The following PLAAT3 variants were observed in gnomAD, a reference collection of about 807,000 sequenced individuals.
PLAAT3 encodes the protein phospholipase A and acyltransferase 3.
Under a neutral mutation model 16.7 loss-of-function variants are expected in PLAAT3, and 21 were observed. That is an observed-to-expected ratio of 1.26 (90% CI 0.89 to 1.81). The LOEUF is 1.81. Among genes scored for constraint, PLAAT3 ranks in the 40% most tolerant of loss-of-function variants. PLAAT3 has a pLI of 0.00. For missense variants in PLAAT3, 219 were observed against 213.7 expected (o/e 1.02, Z -0.16); for synonymous variants, 76 against 81.7 (o/e 0.93, Z 0.38).
intron 4 of PLAAT3, among the ~76,000 whole-genome samples, chr11:63,586,120 G>A (rs1368926650): frequency 1.3e-5 from 2 of 152,060 alleles, no homozygotes; most frequent in East Asian, 1.9e-4. Context: ...GGGTGTGTGT[G>A]TGTGTGTGTG....
chr11:63,594,446 G>C (rs901607961), intron 3 of PLAAT3, among the ~76,000 whole-genome samples: 2 of 152,232 alleles, frequency 1.3e-5, no homozygotes, highest in Non-Finnish European at 2.9e-5. Flanking sequence ...GCCAGGTGGA[G>C]AGCAGGAAGG....
chr11:63,588,106 G>C (rs147792226), intron 4 of PLAAT3, among the ~76,000 whole-genome samples: 6,474 of 152,092 alleles, frequency 0.043, 297 homozygotes, highest in Admixed American at 0.11. Flanking sequence ...GTCTTGCTCT[G>C]TCACCTAGGC....
At chr11:63,615,270 ATATATGTG>A (rs1484694317), upstream of PLAAT3, among the ~76,000 whole-genome samples, 9 of 103,110 alleles carry the variant, frequency 8.7e-5, 1 homozygote, top group South Asian at 3.5e-4. Context: ...ATATGTGTGT[ATATATGTG>A]TATATATGTG....
chr11:63,595,907 C>T (rs556343602), intron 3 of PLAAT3, among the ~76,000 whole-genome samples: 8 of 152,228 alleles, frequency 5.3e-5, no homozygotes, highest in African/African-American at 1.9e-4. Flanking sequence ...TCTCTCTGCC[C>T]AAACACCTGC....
chr11:63,590,376 T>C lies in PLAAT3; in HGVS notation c.119-8A>G, dbSNP rs776674138. On this transcript the variant is annotated splice_region_variant and splice_polypyrimidine_tract_variant and intron_variant, in intron 3 of 4. Coordinates refer to ENST00000415826, the MANE Select transcript of PLAAT3 (RefSeq NM_001128203.2). ...CAGCTCCTGCGACCTCACCTGCAGA[T>C]CCACAAAGAGGAAACAGAGGGATTG... 2 of 1,613,220 alleles carry C rather than the reference T, an allele frequency of 1.2e-6. No homozygotes were observed. The highest frequency in any genetic ancestry group is 2.2e-5 in the South Asian group (2 of 91,018).
intron 2 of PLAAT3, 130 bp downstream of exon 2, chr11:63,613,870 C>CT (rs1938756848): frequency 3.0e-6 from 2 of 660,910 alleles, no homozygotes; most frequent in African/African-American, 3.7e-5. Context: ...TGCCTCGCAG[C>CT]TGACAGAGGT....
intron 4 of PLAAT3, among the ~76,000 whole-genome samples, chr11:63,581,198 C>T (rs956174286): frequency 3.3e-5 from 5 of 152,162 alleles, no homozygotes; most frequent in Admixed American, 3.3e-4. Context: ...AACAGAATAA[C>T]AGCGATTTTC....
chr11:63,575,810 A>G (rs2017651454), intron 4 of PLAAT3, among the ~76,000 whole-genome samples: 1 of 152,222 alleles, frequency 6.6e-6, no homozygotes, highest in Non-Finnish European at 1.5e-5. Flanking sequence ...AACCCTAATT[A>G]TATAAAAGAA....
chr11:63,578,505 T>C (rs759217314), intron 4 of PLAAT3, among the ~76,000 whole-genome samples: 13 of 152,176 alleles, frequency 8.5e-5, no homozygotes, highest in Non-Finnish European at 1.2e-4. Flanking sequence ...AATGGAGCAG[T>C]ACTGGTACCA....
chr11:63,585,468 A>G (rs781329972), intron 4 of PLAAT3, among the ~76,000 whole-genome samples: 10 of 151,852 alleles, frequency 6.6e-5, no homozygotes, highest in Non-Finnish European at 1.3e-4. Flanking sequence ...GTGGGATGCT[A>G]CTGGTATCTA....
intron 3 of PLAAT3, among the ~76,000 whole-genome samples, chr11:63,594,152 G>A (rs1398541417): frequency 2.0e-5 from 3 of 152,192 alleles, no homozygotes; most frequent in Non-Finnish European, 4.4e-5. Flanking sequence ...GCAGCTGAAT[G>A]GTGTCTTCCA....
chr11:63,587,526 T>C (rs1275418981), intron 4 of PLAAT3, among the ~76,000 whole-genome samples: 1 of 151,472 alleles, frequency 6.6e-6, no homozygotes, highest in Non-Finnish European at 1.5e-5. Flanking sequence ...GCATGCAAGA[T>C]CTTTTTTTGT....
upstream of PLAAT3, among the ~76,000 whole-genome samples, chr11:63,615,058 A>ATATG (rs1243535303): frequency 4.7e-5 from 2 of 42,192 alleles, no homozygotes; most frequent in Non-Finnish European, 6.1e-5. Context: ...ATATGTGTAT[A>ATATG]TATATGTGTG....
chr11:63,612,287 C>T (rs141431332), intron 2 of PLAAT3, among the ~76,000 whole-genome samples: 258 of 152,270 alleles, frequency 1.7e-3, no homozygotes, highest in Admixed American at 2.8e-3. Flanking sequence ...GCTGGAATTA[C>T]AGTAATGAAT....
intron 4 of PLAAT3, among the ~76,000 whole-genome samples, chr11:63,587,682 G>C (rs1177621572): frequency 6.6e-6 from 1 of 151,570 alleles, no homozygotes; most frequent in Non-Finnish European, 1.5e-5. Flanking sequence ...AGCCTCACCA[G>C]TAGCTGGGAT....
At chr11:63,588,708 A>T (rs669579) in intron 4 of PLAAT3, among the ~76,000 whole-genome samples, 83,260 of 151,976 alleles carry the variant, frequency 0.55, 23,451 homozygotes, top group African/African-American at 0.66. Context: ...CACCTTTAAC[A>T]TTCATATATA....
At chr11:63,588,163 G>A (rs1424355363) in intron 4 of PLAAT3, among the ~76,000 whole-genome samples, 10 of 151,648 alleles carry the variant, frequency 6.6e-5, no homozygotes, top group Non-Finnish European at 1.5e-4. Flanking sequence ...TCTGCCTCCC[G>A]GATTCAAGTG....
At chr11:63,583,711 C>A (rs1475462232) in intron 4 of PLAAT3, among the ~76,000 whole-genome samples, 1 of 152,148 alleles carries the variant, frequency 6.6e-6, no homozygotes, top group African/African-American at 2.4e-5. Flanking sequence ...AAATGGGCTA[C>A]CTGGTGTGTG....
At chr11:63,585,649 T>C (rs1937953132) in intron 4 of PLAAT3, among the ~76,000 whole-genome samples, 1 of 152,118 alleles carries the variant, frequency 6.6e-6, no homozygotes, top group Non-Finnish European at 1.5e-5. Context: ...GGCACCTCTG[T>C]TTTTGTTGTA....
Sources: gnomAD v4.1 joint callset for allele counts (sites outside exome capture counted in the v4.1 genomes callset) on GRCh38, gnomAD v4.1.1 for gene constraint, MANE v1.5 for transcripts, NCBI Gene and HGNC (gene_info 2026-07-23, HGNC 2026-07-21) for gene names.